Variants in TLN2 observed in about 807,000 individuals in gnomAD.
The protein encoded by TLN2 is talin-2.
In TLN2, 118 loss-of-function variants were observed where a neutral mutation model predicts 294.7. The observed-to-expected ratio is 0.40, with a 90% CI of 0.34 to 0.47. The LOEUF (loss-of-function observed/expected upper bound fraction) is 0.47. TLN2 is among the 20% of genes least tolerant of loss of function. TLN2 has a pLI of 0.84. For synonymous variants in TLN2, 1,431 were observed against 1,304.5 expected (o/e 1.10, Z -2.09); for missense variants, 3,083 against 3,282.2 (o/e 0.94, Z 1.48).
intron 30 of TLN2, 43 bp from the exon 31 acceptor site, chr15:62,739,305 C>T (rs780413872): frequency 6.3e-7 from 1 of 1,578,500 alleles, no homozygotes; most frequent in South Asian, 1.2e-5. Context: ...CCCTCCCCTG[C>T]AAAGCAGAAT....
chr15:62,599,207 T>A (rs1189420780), intron 2 of TLN2, among the ~76,000 whole-genome samples: 1 of 152,180 alleles, frequency 6.6e-6, no homozygotes, highest in African/African-American at 2.4e-5. Flanking sequence ...CTCAGTTACT[T>A]AAGGAGGAGA....
chr15:62,832,847 T>TC (rs1394360204), intron 54 of TLN2: 1 of 152,192 alleles, frequency 6.6e-6, no homozygotes, highest in East Asian at 1.9e-4. Flanking sequence ...CCTTTTTTTT[T>TC]TTTTAAAGTC....
intron 1 of TLN2, among the ~76,000 whole-genome samples, chr15:62,428,560 C>G (rs567880036): frequency 2.6e-5 from 4 of 152,324 alleles, no homozygotes; most frequent in South Asian, 4.1e-4. Context: ...ACTCCTTGCC[C>G]GGTGTGTCTG....
chr15:62,652,937 A>T (rs1269413029), intron 6 of TLN2, among the ~76,000 whole-genome samples: 1 of 152,106 alleles, frequency 6.6e-6, no homozygotes, highest in Non-Finnish European at 1.5e-5. Flanking sequence ...TTGAAAAAAA[A>T]GTGTTCAAGT....
chr15:62,429,562 T>G (rs901865980), intron 1 of TLN2, among the ~76,000 whole-genome samples: 2 of 152,170 alleles, frequency 1.3e-5, no homozygotes, highest in Admixed American at 1.3e-4. Context: ...GCCGATGTAT[T>G]TAATTGCTGG....
At chr15:62,796,377 C>T in intron 47 of TLN2, 84 bp downstream of exon 47, 2 of 1,454,182 alleles carry the variant, frequency 1.4e-6, no homozygotes, top group East Asian at 2.3e-5. Context: ...CACCTGGGAG[C>T]CAGAAATGTA....
At chr15:62,709,045 G>T (rs1445797344) in intron 21 of TLN2, among the ~76,000 whole-genome samples, 1 of 152,228 alleles carries the variant, frequency 6.6e-6, no homozygotes, top group Admixed American at 6.5e-5. Context: ...TAGATTTACA[G>T]TGAATCCCCT....
At chr15:62,639,756 C>G (rs1435162570) in intron 3 of TLN2, among the ~76,000 whole-genome samples, 1 of 152,186 alleles carries the variant, frequency 6.6e-6, no homozygotes, top group Non-Finnish European at 1.5e-5. Flanking sequence ...TCAGGCCCTG[C>G]CCTCTGGGTT....
intron 55 of TLN2, chr15:62,833,871 TG>T: frequency 2.2e-6 from 1 of 447,964 alleles, no homozygotes; most frequent in Non-Finnish European, 3.9e-6. Context: ...TTCCAGGCAG[TG>T]ACTGGGGCCT....
chr15:62,550,495 A>C (rs1234805335), intron 1 of TLN2, among the ~76,000 whole-genome samples: 1 of 152,212 alleles, frequency 6.6e-6, no homozygotes, highest in Non-Finnish European at 1.5e-5. Flanking sequence ...AAATTGCTTG[A>C]TTCATTATTT....
In TLN2 at chr15:62,711,997, G is replaced by T; in HGVS notation, c.2554G>T (p.Asp852Tyr). 6.2e-7 allele frequency: 1 copy of T among 1,614,162 alleles called. No individual in the cohort carries two copies. The highest frequency in any genetic ancestry group is 2.2e-5 in the East Asian group (1 of 44,890). ...AMRSDAEAEI[D>Y]MENSKKLLAA... is the part of the protein sequence containing the mutation. ...GAGGTCAGATGCAGAAGCCGAAATC[G>T]ACATGGAGAATTCAAAGAAGCTCCT... Residue 852 changes from aspartate (D) to tyrosine (Y), a missense_variant, in exon 22 of 59, where the codon GAC (aspartate) becomes TAC (tyrosine). Coordinates refer to ENST00000636159, the MANE Select transcript of TLN2 (RefSeq NM_015059.3).
At chr15:62,641,838 C>T (rs149248886) in intron 3 of TLN2, among the ~76,000 whole-genome samples, 19 of 152,258 alleles carry the variant, frequency 1.2e-4, no homozygotes, top group East Asian at 7.7e-4. Context: ...GTGGTCCTCC[C>T]TTACAGGCAG....
Position 62,728,938 on chromosome 15 carries a change from G to A in TLN2, c.3358+1749G>A, listed in dbSNP as rs374795108. Among the ~76,000 whole-genome samples the A allele has an allele frequency of 1.4e-3, 206 of 152,216 alleles. 1 individual carries two copies. Among genetic ancestry groups the A allele is most frequent in the African/African-American group, 4.7e-3 (197 of 41,536 alleles). On this transcript the variant is annotated intron_variant, in intron 28 of 58. Transcript: ENST00000636159. Reference sequence around the variant, plus strand: ...AAAACTTTTGCCTAAGATTAATGCAGATGTTCTCCTCTGTCGTATTCTAGA... The same window carrying A: ...AAAACTTTTGCCTAAGATTAATGCAAATGTTCTCCTCTGTCGTATTCTAGA...
At chr15:62,608,993 G>A (rs1333851774) in intron 2 of TLN2, among the ~76,000 whole-genome samples, 3 of 152,088 alleles carry the variant, frequency 2.0e-5, no homozygotes, top group East Asian at 1.9e-4. Flanking sequence ...CATTGAGGCT[G>A]TGCAAGGGAG....
chr15:62,413,846 AATAGATT>A lies in TLN2; in HGVS notation c.-238+23163_-238+23169del, dbSNP rs1055974134. On this transcript the variant is annotated intron_variant, in intron 1 of 58. Coordinates refer to ENST00000636159, the MANE Select transcript of TLN2 (RefSeq NM_015059.3). The stretch of plus-strand genomic sequence containing the variant: ...TGACATTTATGTTGCACAGTTCAGC[AATAGATT>A]ACACATTGTCTTGGTTAAAAATGGT... 5.9e-5 allele frequency among the ~76,000 whole-genome samples: 9 copies of A among 152,198 alleles called. No homozygotes were observed. The East Asian group carries it at 1.2e-3, about 20-fold the overall frequency.
intron 46 of TLN2, among the ~76,000 whole-genome samples, chr15:62,793,766 C>A (rs2065249506): frequency 6.6e-6 from 1 of 151,418 alleles, no homozygotes; most frequent in Non-Finnish European, 1.5e-5. Context: ...AGCATCCAGG[C>A]TTGGTGGCTT....
chr15:62,734,577 C>A (rs1350653218), intron 28 of TLN2, among the ~76,000 whole-genome samples: 1 of 152,222 alleles, frequency 6.6e-6, no homozygotes, highest in African/African-American at 2.4e-5. Flanking sequence ...CAGATTGTTT[C>A]TCTCCTTCAC....
chr15:62,797,135 T>G, intron 47 of TLN2, 84 bp from the exon 48 acceptor site: 1 of 1,459,370 alleles, frequency 6.9e-7, no homozygotes. Flanking sequence ...AAAAGCCCCA[T>G]GTGAGGGATT....
chr15:62,631,978 C>T (rs143265550), intron 3 of TLN2, among the ~76,000 whole-genome samples: 29 of 152,234 alleles, frequency 1.9e-4, no homozygotes, highest in Non-Finnish European at 3.4e-4. Context: ...TGGTGATGTG[C>T]GAGCCCACAA....
Sources: gnomAD v4.1 joint callset for allele counts (sites outside exome capture counted in the v4.1 genomes callset) on GRCh38, gnomAD v4.1.1 for gene constraint, MANE v1.5 for transcripts, NCBI Gene and HGNC (gene_info 2026-07-23, HGNC 2026-07-21) for gene names.